The following ASTN2 variants were observed in gnomAD, a reference collection of about 807,000 sequenced individuals.
ASTN2 encodes astrotactin-2.
ASTN2 carries 54 observed loss-of-function variants against 139.8 expected under a neutral mutation model. The ratio of observed to expected loss-of-function variants is 0.39; its 90% CI spans 0.31 to 0.48. ASTN2 has a LOEUF of 0.48. Among genes scored for constraint, ASTN2 ranks in the 20% least tolerant of loss-of-function variants. ASTN2 has a pLI of 0.95. For missense variants in ASTN2, 1,565 were observed against 1,725.1 expected (o/e 0.91, Z 1.64); for synonymous variants, 756 against 719.5 (o/e 1.05, Z -0.81).
chr9:117,019,693 C>G (rs1837816751), intron 6 of ASTN2, among the ~76,000 whole-genome samples: 1 of 152,094 alleles, frequency 6.6e-6, no homozygotes, highest in Non-Finnish European at 1.5e-5. Context: ...AGGTGAATTC[C>G]CGTCTTCTGT....
chr9:117,171,298 G>A (rs1472781277), intron 3 of ASTN2, among the ~76,000 whole-genome samples: 1 of 152,166 alleles, frequency 6.6e-6, no homozygotes, highest in South Asian at 2.1e-4. Flanking sequence ...CATGTCCAAA[G>A]AGTAAAGGCT....
chr9:116,462,684 G>C (rs537299547), intron 20 of ASTN2, among the ~76,000 whole-genome samples: 1 of 152,058 alleles, frequency 6.6e-6, no homozygotes, highest in East Asian at 1.9e-4. Context: ...AGGAACGATG[G>C]GATAATATTC....
chr9:116,773,389 G>C (rs923392005), intron 13 of ASTN2, among the ~76,000 whole-genome samples: 1 of 152,170 alleles, frequency 6.6e-6, no homozygotes, highest in Admixed American at 6.5e-5. Context: ...GGTCTTGACC[G>C]AGAGGTCTGT....
At chr9:117,042,052 T>C (rs114991466) in intron 5 of ASTN2, among the ~76,000 whole-genome samples, 1 of 152,272 alleles carries the variant, frequency 6.6e-6, no homozygotes, top group African/African-American at 2.4e-5. Flanking sequence ...AGTGACTGGC[T>C]CATTGCAGAA....
chr9:116,956,012 C>T (rs771727633), intron 10 of ASTN2, among the ~76,000 whole-genome samples: 10 of 152,042 alleles, frequency 6.6e-5, no homozygotes, highest in Non-Finnish European at 1.2e-4. Flanking sequence ...TACAGCAGAA[C>T]GAACTGAGAG....
intron 10 of ASTN2, among the ~76,000 whole-genome samples, chr9:116,953,043 G>A (rs1274878334): frequency 6.6e-6 from 1 of 152,144 alleles, no homozygotes; most frequent in Non-Finnish European, 1.5e-5. Flanking sequence ...AGGGGTGGAG[G>A]AGACTCCCAG....
At chr9:117,322,435 A>T (rs912156540) in intron 1 of ASTN2, among the ~76,000 whole-genome samples, 1 of 152,204 alleles carries the variant, frequency 6.6e-6, no homozygotes, top group Non-Finnish European at 1.5e-5. Flanking sequence ...ATGTTGCATC[A>T]TAGGCTACTA....
chr9:117,248,493 T>C (rs1033672695), intron 2 of ASTN2, among the ~76,000 whole-genome samples: 24 of 152,268 alleles, frequency 1.6e-4, no homozygotes, highest in East Asian at 3.9e-4. Flanking sequence ...AGTGGCAGAA[T>C]TGCATTGTTT....
intron 6 of ASTN2, among the ~76,000 whole-genome samples, chr9:117,023,632 C>T (rs575175007): frequency 1.3e-5 from 2 of 152,212 alleles, no homozygotes; most frequent in South Asian, 2.1e-4. Flanking sequence ...GTGTCTTTTC[C>T]AGCACAGCAT....
chr9:117,068,844 C>T (rs10983496), intron 5 of ASTN2, among the ~76,000 whole-genome samples: 24,221 of 110,838 alleles, frequency 0.22, 3,307 homozygotes, highest in African/African-American at 0.39. Flanking sequence ...TCTGTGGGAT[C>T]GGTGGTGATA....
At chr9:116,748,187 T>G in intron 13 of ASTN2, among the ~76,000 whole-genome samples, 1 of 152,154 alleles carries the variant, frequency 6.6e-6, no homozygotes, top group South Asian at 2.1e-4. Context: ...GTTTTCCAGA[T>G]GCTATAAATG....
chr9:116,912,701 G>A (rs951780687), intron 10 of ASTN2, among the ~76,000 whole-genome samples: 16 of 152,118 alleles, frequency 1.1e-4, no homozygotes, highest in African/African-American at 3.6e-4. Context: ...CTGTGGCAGA[G>A]GTAAGAGATG....
Position 117,414,106 on chromosome 9 carries a change from G to A in ASTN2, c.442+391C>T, listed in dbSNP as rs1042805432. On this transcript the variant is annotated intron_variant, in intron 1 of 22. Coordinates refer to ENST00000313400, the MANE Select transcript of ASTN2 (RefSeq NM_001365068.1). The surrounding 1 kb of genome is among the most constrained non-coding windows in gnomAD (Gnocchi z 4.2). ...GGGGCGGTGACGGCGGGTGGCCAGT[G>A]ACGGTACCCGGAGAAGTGGGAGGCT... is the stretch of plus-strand genomic sequence containing the variant. Among the ~76,000 whole-genome samples the A allele has an allele frequency of 1.1e-4, 17 of 152,136 alleles. No homozygotes were observed. The highest frequency in any genetic ancestry group is 2.1e-4 in the Non-Finnish European group (14 of 67,982).
chr9:116,465,638 G>A (rs546375660), intron 20 of ASTN2, among the ~76,000 whole-genome samples: 39 of 152,276 alleles, frequency 2.6e-4, no homozygotes, highest in Middle Eastern at 3.4e-3. Flanking sequence ...AATACAAGCT[G>A]CAAGTTGTCA....
intron 10 of ASTN2, among the ~76,000 whole-genome samples, chr9:116,949,249 C>T (rs1189125763): frequency 6.6e-6 from 1 of 152,120 alleles, no homozygotes; most frequent in African/African-American, 2.4e-5. Context: ...GCTTGGTGGC[C>T]ACCCAAAGAG....
chr9:117,396,712 T>C (rs1478596161), intron 1 of ASTN2, among the ~76,000 whole-genome samples: 1 of 151,990 alleles, frequency 6.6e-6, no homozygotes, highest in African/African-American at 2.4e-5. Context: ...ATTACAGGTA[T>C]GCACCACCAT....
chr9:116,439,466 C>A (rs1847775494), intron 22 of ASTN2, among the ~76,000 whole-genome samples: 18 of 139,802 alleles, frequency 1.3e-4, no homozygotes, highest in African/African-American at 5.1e-4. Context: ...TCCCAAAGTG[C>A]TGGGATTACA....
At chr9:116,876,769 G>T (rs1266624602) in intron 10 of ASTN2, among the ~76,000 whole-genome samples, 2 of 152,072 alleles carry the variant, frequency 1.3e-5, no homozygotes, top group South Asian at 4.2e-4. Flanking sequence ...CTTAATTAAG[G>T]TATGTACATT....
At chr9:117,393,767 G>A (rs1405218738) in intron 1 of ASTN2, among the ~76,000 whole-genome samples, 1 of 152,136 alleles carries the variant, frequency 6.6e-6, no homozygotes, top group East Asian at 1.9e-4. Flanking sequence ...GGTGGAATGG[G>A]CAGGCTCTGG....
Sources: gnomAD v4.1 joint callset for allele counts (sites outside exome capture counted in the v4.1 genomes callset) on GRCh38, gnomAD v4.1.1 for gene constraint, Gnocchi (gnomAD v3.1) non-coding constraint, MANE v1.5 for transcripts, NCBI Gene and HGNC (gene_info 2026-07-23, HGNC 2026-07-21) for gene names.